The following SOS1 variants were observed in gnomAD, a reference collection of about 807,000 sequenced individuals.
SOS1 encodes the protein SOS Ras/Rac guanine nucleotide exchange factor 1.
SOS1 carries 25 observed loss-of-function variants against 157.6 expected under a neutral mutation model. The observed-to-expected ratio is 0.16, with a 90% CI of 0.12 to 0.22. The LOEUF (loss-of-function observed/expected upper bound fraction) is 0.22, where lower values mean the gene tolerates loss of function less well. Ranked by LOEUF, SOS1 falls within the 10% of genes least tolerant of loss-of-function variation. The pLI is 1.00. For synonymous variants in SOS1, 528 were observed against 534.0 expected (o/e 0.99, Z 0.16); for missense variants, 1,237 against 1,599.1 (o/e 0.77, Z 3.86).
At chr2:39,037,799 G>A (rs909671536) in intron 6 of SOS1, among the ~76,000 whole-genome samples, 3 of 152,138 alleles carry the variant, frequency 2.0e-5, no homozygotes, top group Admixed American at 1.3e-4. Flanking sequence ...CTTAAGGATT[G>A]TGCTAAATCT....
chr2:38,992,491 A>G (rs1050452220), intron 20 of SOS1: 4 of 152,218 alleles, frequency 2.6e-5, no homozygotes, highest in South Asian at 2.1e-4. Context: ...ACTTAATGCT[A>G]TTATAACTGT....
intron 5 of SOS1, among the ~76,000 whole-genome samples, chr2:39,053,158 A>G (rs926429596): frequency 1.3e-5 from 2 of 152,196 alleles, no homozygotes; most frequent in Admixed American, 6.5e-5. Flanking sequence ...GTCTCAAGAA[A>G]AAAAAAAGAG....
intron 1 of SOS1, among the ~76,000 whole-genome samples, chr2:39,111,695 T>C (rs1023317567): frequency 4.6e-5 from 7 of 151,972 alleles, no homozygotes; most frequent in Non-Finnish European, 8.8e-5. Context: ...GAGCTCCTAA[T>C]TGTCTTACCT....
At chr2:39,009,472 A>T (rs2124508891) in intron 15 of SOS1, among the ~76,000 whole-genome samples, 1 of 152,326 alleles carries the variant, frequency 6.6e-6, no homozygotes, top group South Asian at 2.1e-4. Context: ...GTAATTATTA[A>T]AGACATTTTG....
intron 10 of SOS1, among the ~76,000 whole-genome samples, chr2:39,018,274 G>C (rs900928778): frequency 2.4e-4 from 37 of 151,756 alleles, no homozygotes; most frequent in African/African-American, 8.9e-4. Flanking sequence ...ATGATCTCCT[G>C]ATGAATTTCA....
intron 2 of SOS1, among the ~76,000 whole-genome samples, chr2:39,062,700 AG>A (rs1380260287): frequency 2.0e-5 from 3 of 151,940 alleles, no homozygotes; most frequent in African/African-American, 7.2e-5. Flanking sequence ...CAGAAAGGGA[AG>A]GAACAACAAA....
intron 1 of SOS1, among the ~76,000 whole-genome samples, chr2:39,092,187 T>C (rs1272023447): frequency 6.6e-6 from 1 of 152,186 alleles, no homozygotes; most frequent in Non-Finnish European, 1.5e-5. Flanking sequence ...TATACTCTAG[T>C]CATACTGGTT....
intron 1 of SOS1, among the ~76,000 whole-genome samples, chr2:39,111,020 G>T (rs1673412815): frequency 6.6e-6 from 1 of 152,202 alleles, no homozygotes; most frequent in African/African-American, 2.4e-5. Context: ...ATCACCTGAG[G>T]TCAAGAGTTT....
At chr2:39,000,565 G>A (rs1443500044) in intron 17 of SOS1, among the ~76,000 whole-genome samples, 1 of 152,172 alleles carries the variant, frequency 6.6e-6, no homozygotes, top group African/African-American at 2.4e-5. Context: ...GAAGAGGGCT[G>A]AGGTTTCACC....
rs150290794 is a variant in SOS1 at position 39,006,690 on chromosome 2, C to A, written c.2674-161G>T. On this transcript the variant is annotated intron_variant, in intron 16 of 22. Coordinates refer to ENST00000402219, the MANE Select transcript of SOS1 (RefSeq NM_005633.4). ...GCTTCAAATAAATTATCTTCATAGA[C>A]CTCAGTATAAACTTAAAGTATGTGT... 2.0e-5 allele frequency among the ~76,000 whole-genome samples: 3 copies of A among 152,204 alleles called. No individual in the cohort carries two copies. The East Asian group carries it at 5.8e-4, about 29-fold the overall frequency.
intron 1 of SOS1, among the ~76,000 whole-genome samples, chr2:39,087,008 T>A (rs923519146): frequency 2.6e-5 from 4 of 152,100 alleles, no homozygotes; most frequent in African/African-American, 9.7e-5. Flanking sequence ...AGACGGGGTT[T>A]TGCCATTTTG....
rs1225571110 is a variant in SOS1 at position 38,986,150 on chromosome 2, A to C, written c.3676T>G (p.Phe1226Val). ...PREPVRTPDV[F>V]SSSPLHLQPP... ...TGGAGATGTAGTGGTGAGCTTGAGA[A>C]AACATCAGGTGTCCTCACAGGTTCT... The change falls in exon 23 of 23, where the codon TTC (phenylalanine) becomes GTC (valine). Residue 1226 changes from phenylalanine to valine, a missense_variant. Physicochemically the swap from Phe to Val is conservative, Grantham distance 50. Coordinates refer to ENST00000402219, the MANE Select transcript of SOS1 (RefSeq NM_005633.4). 6.2e-7 allele frequency: 1 copy of C among 1,613,622 alleles called. No homozygotes were observed. Among genetic ancestry groups the C allele is most frequent in the Non-Finnish European group, 8.5e-7 (1 of 1,179,864 alleles).
chr2:39,114,143 G>A (rs1001453716), intron 1 of SOS1, among the ~76,000 whole-genome samples: 2 of 151,686 alleles, frequency 1.3e-5, no homozygotes, highest in Non-Finnish European at 2.9e-5. Flanking sequence ...TCACCCAGAC[G>A]GCAGTGCAAT....
upstream of SOS1, among the ~76,000 whole-genome samples, chr2:39,122,965 A>C (rs935554824): frequency 2.0e-5 from 3 of 152,144 alleles, no homozygotes; most frequent in Non-Finnish European, 4.4e-5. Flanking sequence ...TGCTCTTAGA[A>C]TACATTTCAA....
intron 1 of SOS1, among the ~76,000 whole-genome samples, chr2:39,087,684 T>A (rs911098148): frequency 6.6e-6 from 1 of 152,220 alleles, no homozygotes; most frequent in Non-Finnish European, 1.5e-5. Flanking sequence ...TATTTTATTT[T>A]ATTTTTGAGA....
At chr2:39,046,050 TTAAA>T (rs750756724) in intron 6 of SOS1, among the ~76,000 whole-genome samples, 1 of 152,182 alleles carries the variant, frequency 6.6e-6, no homozygotes, top group Non-Finnish European at 1.5e-5. Context: ...ATTACTCTCT[TTAAA>T]TAGGCTGAGT....
chr2:39,023,202 C>T lies in SOS1; in HGVS notation c.1226G>A (p.Ser409Asn). 1 of 1,613,078 alleles carries T rather than the reference C, an allele frequency of 6.2e-7. No homozygotes were observed. Among genetic ancestry groups the T allele is most frequent in the East Asian group, 2.2e-5 (1 of 44,852 alleles). The change falls in exon 10 of 23, where the codon AGT (serine) becomes AAT (asparagine). Residue 409 changes from serine to asparagine, a missense_variant. Around this residue, in one of 15 missense-constraint regions of SOS1, gnomAD observed 101 missense variants for 171.5 expected, o/e 0.59. Coordinates refer to ENST00000402219, the MANE Select transcript of SOS1 (RefSeq NM_005633.4). Reference sequence around the variant, plus strand: ...TAGTTGTTTCCCCTTCATTTGCTGACTATAAAACCGACATGCAGATTCACT... The same window carrying T: ...TAGTTGTTTCCCCTTCATTTGCTGATTATAAAACCGACATGCAGATTCACT... ...RLSESACRFY[S>N]QQMKGKQLAI...
upstream of SOS1, among the ~76,000 whole-genome samples, chr2:39,122,235 G>C (rs189483699): frequency 7.4e-3 from 1,128 of 151,996 alleles, 7 homozygotes; most frequent in Middle Eastern, 0.014. Context: ...TTCCAGACTA[G>C]CCTGGCCAAC....
chr2:38,987,615 A>G, intron 21 of SOS1, 24 bp from the exon 22 acceptor site: 1 of 1,130,064 alleles, frequency 8.8e-7, no homozygotes, highest in African/African-American at 1.5e-5. Context: ...AATTTTTAAG[A>G]AAAAGTCCAC....
Sources: allele counts gnomAD v4.1 joint callset (sites outside exome capture counted in the v4.1 genomes callset), GRCh38; gene constraint gnomAD v4.1.1; regional missense constraint gnomAD v4.1.1; transcripts MANE v1.5; gene names NCBI Gene and HGNC (gene_info 2026-07-23, HGNC 2026-07-21).